The following SOX6 variants were observed in gnomAD, a reference collection of about 807,000 sequenced individuals.
SOX6 encodes SRY-box transcription factor 6.
Under a neutral mutation model 97.8 loss-of-function variants are expected in SOX6, and 11 were observed. The ratio of observed to expected loss-of-function variants is 0.11; its 90% CI spans 0.07 to 0.19. The LOEUF (loss-of-function observed/expected upper bound fraction) is 0.19. SOX6 is among the 10% of genes least tolerant of loss of function. The pLI is 1.00. For missense variants in SOX6, 810 were observed against 1,039.5 expected (o/e 0.78, Z 3.04); for synonymous variants, 360 against 371.4 (o/e 0.97, Z 0.35).
intron 13 of SOX6, among the ~76,000 whole-genome samples, chr11:15,999,110 A>C (rs1344892634): frequency 6.6e-6 from 1 of 152,158 alleles, no homozygotes; most frequent in Non-Finnish European, 1.5e-5. Context: ...ACATTTTACA[A>C]AAAAGGATAT....
intron 13 of SOX6, among the ~76,000 whole-genome samples, chr11:16,009,651 A>G (rs1334387585): frequency 6.6e-6 from 1 of 152,080 alleles, no homozygotes; most frequent in Non-Finnish European, 1.5e-5. Context: ...TAAAACGACT[A>G]CTTGTCAGGG....
chr11:16,263,302 T>C (rs1853959823), intron 3 of SOX6, among the ~76,000 whole-genome samples: 1 of 151,950 alleles, frequency 6.6e-6, no homozygotes, highest in Non-Finnish European at 1.5e-5. Flanking sequence ...TAACTTACTC[T>C]GTATCACAAT....
chr11:16,597,646 A>G (rs1157653079), intron 4 of SOX6, among the ~76,000 whole-genome samples: 1 of 152,004 alleles, frequency 6.6e-6, no homozygotes. Context: ...AGATGGGTAT[A>G]TTTGACAAAA....
intron 4 of SOX6, among the ~76,000 whole-genome samples, chr11:16,506,846 T>C (rs200808202): frequency 6.6e-6 from 1 of 152,054 alleles, no homozygotes; most frequent in South Asian, 2.1e-4. Context: ...GGCAGATCAC[T>C]TGAGGTCAGG....
In SOX6 at chr11:16,168,523, T is replaced by C. The variant is rs139976381; in HGVS notation, c.777+15363A>G. Among the ~76,000 whole-genome samples the C allele has an allele frequency of 6.9e-3, 1,050 of 152,268 alleles. 6 individuals carry two copies. The highest frequency in any genetic ancestry group is 8.9e-3 in the Non-Finnish European group (607 of 68,014). ...AATATAGCTTAGACATTAGTTTAAG[T>C]GGTTTGGAACATGTTATTTCTACTA... On this transcript the variant is annotated intron_variant, in intron 6 of 15. Transcript: ENST00000683767.
intron 4 of SOX6, among the ~76,000 whole-genome samples, chr11:16,514,165 G>A (rs1217084318): frequency 2.0e-5 from 3 of 150,402 alleles, no homozygotes; most frequent in Admixed American, 6.6e-5. Context: ...GCAGTGAGCC[G>A]GGATCATAAC....
At chr11:16,666,280 A>G (rs1445746368) in intron 3 of SOX6, among the ~76,000 whole-genome samples, 1 of 152,238 alleles carries the variant, frequency 6.6e-6, no homozygotes, top group African/African-American at 2.4e-5. Context: ...CAGAAAGAAA[A>G]TTCAAGATAG....
At chr11:16,095,143 C>T (rs1476101823) in intron 9 of SOX6, among the ~76,000 whole-genome samples, 1 of 151,814 alleles carries the variant, frequency 6.6e-6, no homozygotes, top group Admixed American at 6.6e-5. Flanking sequence ...TTATATCTAA[C>T]CCAGAGAATT....
At chr11:16,152,147 T>C (rs1850476352) in intron 6 of SOX6, among the ~76,000 whole-genome samples, 1 of 152,236 alleles carries the variant, frequency 6.6e-6, no homozygotes, top group African/African-American at 2.4e-5. Context: ...GTTTGCTTTT[T>C]CAAACATTGA....
At chr11:16,585,313 T>C (rs1471203210) in intron 4 of SOX6, among the ~76,000 whole-genome samples, 1 of 152,230 alleles carries the variant, frequency 6.6e-6, no homozygotes, top group Non-Finnish European at 1.5e-5. Context: ...CTAATGCTTA[T>C]ATGACACCTA....
At chr11:16,017,806 T>C (rs1477912283) in intron 12 of SOX6, among the ~76,000 whole-genome samples, 1 of 152,044 alleles carries the variant, frequency 6.6e-6, no homozygotes, top group Admixed American at 6.6e-5. Context: ...TAAGTCCAAA[T>C]TTCCACACAC....
chr11:16,516,018 C>T (rs1436780182), intron 4 of SOX6, among the ~76,000 whole-genome samples: 2 of 151,926 alleles, frequency 1.3e-5, no homozygotes, highest in Non-Finnish European at 2.9e-5. Context: ...TTTGGATTGA[C>T]TTGGCAATGC....
chr11:16,670,287 T>C (rs1171765977), intron 3 of SOX6, among the ~76,000 whole-genome samples: 1 of 151,994 alleles, frequency 6.6e-6, no homozygotes, highest in Non-Finnish European at 1.5e-5. Context: ...ATACACACCA[T>C]ATGGAGAAGA....
chr11:16,188,118 G>A (rs1851531536), intron 4 of SOX6, among the ~76,000 whole-genome samples: 1 of 151,734 alleles, frequency 6.6e-6, no homozygotes, highest in African/African-American at 2.4e-5. Context: ...AAACTTCAGA[G>A]GATGCAGGCT....
At chr11:16,183,133 C>T (rs1851387352) in intron 6 of SOX6, among the ~76,000 whole-genome samples, 1 of 151,782 alleles carries the variant, frequency 6.6e-6, no homozygotes, top group African/African-American at 2.4e-5. Flanking sequence ...AAGTCACACA[C>T]CTATATTTCT....
intron 2 of SOX6, among the ~76,000 whole-genome samples, chr11:16,338,351 C>A (rs2060074340): frequency 6.6e-6 from 1 of 151,986 alleles, no homozygotes; most frequent in African/African-American, 2.4e-5. Flanking sequence ...CCCACTCCAA[C>A]ACACACTCAC....
intron 3 of SOX6, among the ~76,000 whole-genome samples, chr11:16,670,391 T>C (rs1169454900): frequency 6.6e-6 from 1 of 152,026 alleles, no homozygotes; most frequent in Non-Finnish European, 1.5e-5. Context: ...CCCACCCCAC[T>C]GGCTGAACAC....
Position 16,291,479 on chromosome 11 carries a change from T to A in SOX6, c.445+26967A>T, listed in dbSNP as rs920105426. 4.0e-5 allele frequency among the ~76,000 whole-genome samples: 6 copies of A among 151,884 alleles called. 1 individual carries two copies. Among genetic ancestry groups the A allele is most frequent in the African/African-American group, 1.4e-4 (6 of 41,384 alleles). On this transcript the variant is annotated intron_variant, in intron 3 of 15. Transcript: ENST00000683767. ...TAAACCTACCTTGCAGAATACACCATTACGTTTTTTGTTGTTGTTGTTGTT... is the reference window on the plus strand; with the variant it reads ...TAAACCTACCTTGCAGAATACACCAATACGTTTTTTGTTGTTGTTGTTGTT...
At chr11:16,009,855 C>T (rs185099649) in intron 13 of SOX6, among the ~76,000 whole-genome samples, 60 of 152,096 alleles carry the variant, frequency 3.9e-4, no homozygotes, top group Non-Finnish European at 8.1e-4. Context: ...TTTGCCTCTG[C>T]TGCCTTGAAT....
Sources: allele counts gnomAD v4.1 joint callset (sites outside exome capture counted in the v4.1 genomes callset), GRCh38; gene constraint gnomAD v4.1.1; transcripts MANE v1.5; gene names NCBI Gene and HGNC (gene_info 2026-07-23, HGNC 2026-07-21).